The following CFDP1 variants were observed in gnomAD, a reference collection of about 807,000 sequenced individuals.
The protein encoded by CFDP1 is chromatin remodeling protein CFDP1.
A neutral mutation model predicts 40.1 loss-of-function variants in CFDP1; 31 were observed. The observed-to-expected ratio is 0.77, with a 90% confidence interval of 0.58 to 1.04. The LOEUF (loss-of-function observed/expected upper bound fraction) is 1.04. Among genes scored for constraint, CFDP1 ranks in the 50% least tolerant of loss-of-function variants. The probability of loss-of-function intolerance (pLI) is 0.00; values close to 1 mark genes in which losing one functional copy is unlikely to be tolerated. For missense variants in CFDP1, 423 were observed against 343.4 expected (o/e 1.23, Z -1.83); for synonymous variants, 167 against 120.0 (o/e 1.39, Z -2.56).
intron 1 of CFDP1, among the ~76,000 whole-genome samples, chr16:75,422,012 G>C (rs890682085): frequency 3.3e-5 from 5 of 152,160 alleles, no homozygotes; most frequent in African/African-American, 4.8e-5. Flanking sequence ...ATACTGTATT[G>C]TTTAGGAAAT....
chr16:75,333,428 A>C (rs1352178472), intron 5 of CFDP1, among the ~76,000 whole-genome samples: 1 of 152,082 alleles, frequency 6.6e-6, no homozygotes. Flanking sequence ...CAGCCTATTC[A>C]TGTTCTTAAT....
intron 5 of CFDP1, among the ~76,000 whole-genome samples, chr16:75,318,077 C>T (rs1217839083): frequency 5.3e-5 from 8 of 151,862 alleles, no homozygotes; most frequent in Non-Finnish European, 8.8e-5. Context: ...GCCGAGATCG[C>T]GCCACTGCAC....
intron 1 of CFDP1, among the ~76,000 whole-genome samples, chr16:75,420,236 G>A (rs534335315): frequency 6.6e-6 from 1 of 152,048 alleles, no homozygotes; most frequent in East Asian, 1.9e-4. Flanking sequence ...TACAAGAGAG[G>A]GATCAGACTG....
chr16:75,400,821 ACT>A (rs1292811649), intron 4 of CFDP1, among the ~76,000 whole-genome samples: 1 of 152,210 alleles, frequency 6.6e-6, no homozygotes, highest in Admixed American at 6.5e-5. Context: ...GTATTATGCT[ACT>A]GAGTTGCTGA....
At chr16:75,414,805 TGAATTTTCCCCTA>T in intron 1 of CFDP1, 110 bp from the exon 2 acceptor site, 1 of 743,924 alleles carries the variant, frequency 1.3e-6, no homozygotes, top group Non-Finnish European at 2.2e-6. Context: ...TAAGAAAAAG[TGAATTTTCCCCTA>T]CTCTTCACCT....
chr16:75,424,097 G>C (rs919111378), intron 1 of CFDP1, among the ~76,000 whole-genome samples: 1 of 152,156 alleles, frequency 6.6e-6, no homozygotes, highest in South Asian at 2.1e-4. Context: ...TCAATAGATG[G>C]AGAAAAAGCA....
intron 5 of CFDP1, among the ~76,000 whole-genome samples, chr16:75,326,665 C>T (rs1321163797): frequency 6.6e-6 from 1 of 152,152 alleles, no homozygotes; most frequent in African/African-American, 2.4e-5. Flanking sequence ...ACCGTGGTGC[C>T]TGGTAAGAAC....
chr16:75,428,368 C>T lies in CFDP1; in HGVS notation c.64+4921G>A, dbSNP rs147262923. On this transcript the variant is annotated intron_variant, in intron 1 of 6. Transcript: ENST00000283882. Reference sequence around the variant, plus strand: ...CAGTGGCTCACACCTGTAATCCCAGCACTTTGGGAGGCCGAAGCAAGTGGA... The same window carrying T: ...CAGTGGCTCACACCTGTAATCCCAGTACTTTGGGAGGCCGAAGCAAGTGGA... 3.4e-3 allele frequency among the ~76,000 whole-genome samples: 515 copies of T among 152,240 alleles called. 2 individuals carry two copies. The highest frequency in any genetic ancestry group is 0.014 in the South Asian group (66 of 4,830).
intron 5 of CFDP1, chr16:75,394,752 C>G (rs2078982339): frequency 6.4e-6 from 1 of 155,578 alleles, no homozygotes; most frequent in African/African-American, 2.5e-5. Context: ...CAGCCTCAAC[C>G]TTCTGGGCTC....
At chr16:75,376,989 G>C (rs1330018437) in intron 5 of CFDP1, among the ~76,000 whole-genome samples, 1 of 152,206 alleles carries the variant, frequency 6.6e-6, no homozygotes. Context: ...ATGCCTATGC[G>C]GTAACCCTGC....
chr16:75,334,116 C>T (rs1472724775), intron 5 of CFDP1, among the ~76,000 whole-genome samples: 1 of 151,998 alleles, frequency 6.6e-6, no homozygotes, highest in Non-Finnish European at 1.5e-5. Context: ...TACCAGCTAC[C>T]TCAAGATCAT....
chr16:75,368,199 T>G (rs2078729322), intron 5 of CFDP1, among the ~76,000 whole-genome samples: 1 of 152,174 alleles, frequency 6.6e-6, no homozygotes, highest in South Asian at 2.1e-4. Flanking sequence ...ACGATACAAT[T>G]AAGGAAATAT....
chr16:75,304,227 C>T (rs1971723), intron 6 of CFDP1, among the ~76,000 whole-genome samples: 3,351 of 152,156 alleles, frequency 0.022, 70 homozygotes, highest in African/African-American at 0.054. Context: ...CACCACTATG[C>T]CTGGCTAATT....
rs1555552534 is a variant in CFDP1, at chr16:75,306,902, C to CACACAT, written c.651-1721_651-1720insATGTGT. On this transcript the variant is annotated intron_variant, in intron 5 of 6. Transcript: ENST00000283882. ...TCACACACACACACACACACACACA[C>CACACAT]GCACACACACACACTTTCTTTTTCA... 8.4e-3 allele frequency among the ~76,000 whole-genome samples: 1,261 copies of CACACAT among 149,606 alleles called. 13 individuals carry two copies. The highest frequency in any genetic ancestry group is 0.019 in the African/African-American group (758 of 40,818).
intron 1 of CFDP1, among the ~76,000 whole-genome samples, chr16:75,431,824 A>C (rs917820302): frequency 6.6e-6 from 1 of 152,188 alleles, no homozygotes; most frequent in African/African-American, 2.4e-5. Flanking sequence ...AGACAACAGA[A>C]ATATAATACC....
At chr16:75,411,526 C>T (rs530015092) in intron 4 of CFDP1, among the ~76,000 whole-genome samples, 2 of 152,156 alleles carry the variant, frequency 1.3e-5, no homozygotes, top group African/African-American at 4.8e-5. Flanking sequence ...TAAAGGGAGA[C>T]ATGACTTACC....
chr16:75,402,915 A>T (rs1305890815), intron 4 of CFDP1, among the ~76,000 whole-genome samples: 2 of 143,126 alleles, frequency 1.4e-5, no homozygotes, highest in African/African-American at 3.0e-5. Flanking sequence ...CATGTTATAT[A>T]TATTATATAT....
rs34693612 is a variant in CFDP1, at chr16:75,363,271, C to CA, written c.650+31818dup. On this transcript the variant is annotated intron_variant, in intron 5 of 6. Transcript: ENST00000283882. ...ACTTAATGTATGAAAGTCTGAGCAC[C>CA]AAAAAAAAAAAAAAAAATTTTTGCC... Among the ~76,000 whole-genome samples the CA allele has an allele frequency of 7.8e-3, 1,086 of 138,436 alleles. 7 individuals are homozygous for CA. Among genetic ancestry groups the CA allele is most frequent in the South Asian group, 0.017 (72 of 4,338 alleles). The allele number at this position is 138,436 out of a possible 152,430, so 90.8% of individuals were successfully genotyped here.
intron 1 of CFDP1, among the ~76,000 whole-genome samples, chr16:75,415,588 C>G (rs1263759585): frequency 6.6e-6 from 1 of 152,152 alleles, no homozygotes; most frequent in Non-Finnish European, 1.5e-5. Context: ...TTAGTTTTGC[C>G]TGCTTTTCAA....
Sources: allele counts gnomAD v4.1 joint callset (sites outside exome capture counted in the v4.1 genomes callset), GRCh38; gene constraint gnomAD v4.1.1; transcripts MANE v1.5; gene names NCBI Gene and HGNC (gene_info 2026-07-23, HGNC 2026-07-21).